The following DCAF6 variants were observed in gnomAD, a reference collection of about 807,000 sequenced individuals.
The protein encoded by DCAF6 is DDB1 and CUL4 associated factor 6.
DCAF6 carries 54 observed loss-of-function variants against 125.1 expected under a neutral mutation model. The observed-to-expected ratio is 0.43, with a 90% CI of 0.35 to 0.54. DCAF6 has a LOEUF of 0.54. Among genes scored for constraint, DCAF6 ranks in the 20% least tolerant of loss-of-function variants. The pLI is 0.01. For missense variants in DCAF6, 934 were observed against 1,161.7 expected, an observed-to-expected ratio of 0.80 and a Z score of 2.85; for synonymous variants, 371 against 390.4, an observed-to-expected ratio of 0.95 and a Z score of 0.58.
At chr1:167,973,315 T>C (rs924471405) in intron 3 of DCAF6, among the ~76,000 whole-genome samples, 2 of 152,234 alleles carry the variant, frequency 1.3e-5, no homozygotes, top group African/African-American at 4.8e-5. Flanking sequence ...TGATGTTATA[T>C]AATTTATTCC....
intron 2 of DCAF6, among the ~76,000 whole-genome samples, chr1:167,960,287 A>G (rs1007748392): frequency 6.6e-6 from 1 of 151,366 alleles, no homozygotes; most frequent in Non-Finnish European, 1.5e-5. Context: ...TAAAATTTTT[A>G]TTATTATTTA....
chr1:168,063,365 C>T (rs1487705078), intron 17 of DCAF6, among the ~76,000 whole-genome samples: 2 of 152,090 alleles, frequency 1.3e-5, no homozygotes, highest in South Asian at 2.1e-4. Context: ...AACCAGTTTG[C>T]CGCATGCTAT....
intron 1 of DCAF6, 115 bp from the exon 2 acceptor site, chr1:167,951,685 C>T: frequency 3.0e-6 from 2 of 662,748 alleles, no homozygotes; most frequent in South Asian, 1.9e-5. Flanking sequence ...AATGGTGGAG[C>T]TGAAATTAGA....
In DCAF6 at chr1:167,949,450, A is replaced by T. The variant is rs537013765; in HGVS notation, c.98-2350A>T. Among the ~76,000 whole-genome samples the T allele has an allele frequency of 2.0e-5, 3 of 152,346 alleles. No individual in the cohort carries two copies. The South Asian group carries it at 6.2e-4, about 32-fold the overall frequency. On this transcript the variant is annotated intron_variant, in intron 1 of 21. Transcript: ENST00000367840. ...AAGGACAAATTTGTTGTTCAGTTTA[A>T]TAATGTCTCCTTAGGGATAAAGGTC...
chr1:168,070,267 G>T (rs574509123), intron 21 of DCAF6, among the ~76,000 whole-genome samples: 1 of 152,040 alleles, frequency 6.6e-6, no homozygotes, highest in African/African-American at 2.4e-5. Flanking sequence ...GTGCCCAAGA[G>T]TTAACATTTC....
intron 17 of DCAF6, among the ~76,000 whole-genome samples, chr1:168,062,874 A>G (rs1041456806): frequency 2.0e-5 from 3 of 150,462 alleles, no homozygotes; most frequent in Non-Finnish European, 4.4e-5. Flanking sequence ...AGAAGATGCT[A>G]TTTGAAGGCC....
the DCAF6 span, chr1:167,920,653 G>GA: frequency 6.3e-7 from 1 of 1,591,754 alleles, no homozygotes; most frequent in Middle Eastern, 1.7e-4. Flanking sequence ...CGCATAGAAA[G>GA]AAAAAAAGTA....
At chr1:168,058,542 C>T (rs1390825499) in intron 17 of DCAF6, among the ~76,000 whole-genome samples, 1 of 152,096 alleles carries the variant, frequency 6.6e-6, no homozygotes, top group Non-Finnish European at 1.5e-5. Context: ...TCATGTTTTT[C>T]AGCCTGATCT....
the DCAF6 span, among the ~76,000 whole-genome samples, chr1:167,871,448 G>A: frequency 6.6e-6 from 1 of 152,150 alleles, no homozygotes; most frequent in Non-Finnish European, 1.5e-5. Context: ...AAATCACCTT[G>A]GGTTACAACC....
chr1:167,923,208 G>C, the DCAF6 span, among the ~76,000 whole-genome samples: 3 of 152,164 alleles, frequency 2.0e-5, no homozygotes. Context: ...ATACTAAGAA[G>C]AATTAAAAGT....
chr1:168,048,507 A>T (rs569388490), intron 16 of DCAF6, among the ~76,000 whole-genome samples: 23 of 152,332 alleles, frequency 1.5e-4, no homozygotes, highest in Admixed American at 5.9e-4. Context: ...AATGATTTTT[A>T]AAAAAATATT....
intron 12 of DCAF6, among the ~76,000 whole-genome samples, chr1:168,034,942 A>C (rs988631181): frequency 6.6e-6 from 1 of 152,184 alleles, no homozygotes; most frequent in South Asian, 2.1e-4. Context: ...TAAAATCATT[A>C]AAGTAGGTTT....
intron 1 of DCAF6, among the ~76,000 whole-genome samples, chr1:167,944,906 G>GA (rs1184444438): frequency 6.6e-6 from 1 of 152,160 alleles, no homozygotes; most frequent in Non-Finnish European, 1.5e-5. Context: ...GTATTAGTGA[G>GA]AGATAAGAGT....
intron 10 of DCAF6, among the ~76,000 whole-genome samples, chr1:168,014,450 T>C (rs1684690291): frequency 6.6e-6 from 1 of 152,248 alleles, no homozygotes; most frequent in Non-Finnish European, 1.5e-5. Flanking sequence ...GCCTCAAGAT[T>C]CAGTTCTTAG....
the DCAF6 span, chr1:167,893,996 G>T: frequency 8.0e-7 from 1 of 1,248,714 alleles, no homozygotes; most frequent in Non-Finnish European, 1.2e-6. Flanking sequence ...GCTCTGCAGT[G>T]CTAGTGAGAG....
chr1:167,979,666 C>T (rs889398994), intron 4 of DCAF6, among the ~76,000 whole-genome samples: 2 of 152,134 alleles, frequency 1.3e-5, no homozygotes, highest in East Asian at 3.8e-4. Flanking sequence ...GTGGGCAGAT[C>T]ACTTGAGGTT....
intron 2 of DCAF6, among the ~76,000 whole-genome samples, chr1:167,954,946 A>G (rs1018515463): frequency 5.9e-5 from 9 of 152,294 alleles, no homozygotes; most frequent in African/African-American, 1.9e-4. Context: ...ACCCCAGTCA[A>G]CCAATGATCT....
intron 17 of DCAF6, among the ~76,000 whole-genome samples, chr1:168,058,022 A>G (rs1691108948): frequency 6.6e-6 from 1 of 152,216 alleles, no homozygotes; most frequent in African/African-American, 2.4e-5. Flanking sequence ...CAAAACATAA[A>G]CATATAAACA....
At chr1:168,007,744 A>G (rs141382124) in intron 10 of DCAF6, among the ~76,000 whole-genome samples, 28 of 152,120 alleles carry the variant, frequency 1.8e-4, no homozygotes, top group Middle Eastern at 3.4e-3. Flanking sequence ...TCTGAATATT[A>G]TAATCAAACC....
Sources: allele counts gnomAD v4.1 joint callset (sites outside exome capture counted in the v4.1 genomes callset), GRCh38; gene constraint gnomAD v4.1.1; transcripts MANE v1.5; gene names NCBI Gene and HGNC (gene_info 2026-07-23, HGNC 2026-07-21).